The following RNF17 variants were observed in gnomAD, a reference collection of about 807,000 sequenced individuals.
RNF17 encodes ring finger protein 17, also known as spermatogenesis associated 23.
Under a neutral mutation model 200.5 loss-of-function variants are expected in RNF17, and 31 were observed. The observed-to-expected ratio is 0.15, with a 90% CI of 0.12 to 0.21. The LOEUF is 0.21. Among genes scored for constraint, RNF17 ranks in the 10% least tolerant of loss-of-function variants. The probability of loss-of-function intolerance (pLI) is 1.00; values close to 1 mark genes in which losing one functional copy is unlikely to be tolerated. For synonymous variants in RNF17, 606 were observed against 637.8 expected (o/e 0.95, Z 0.75); for missense variants, 1,628 against 1,905.1 (o/e 0.85, Z 2.71).
At chr13:24,885,436 AG>A in the RNF17 span, 3 of 1,352,140 alleles carry the variant, frequency 2.2e-6, no homozygotes, top group Non-Finnish European at 3.2e-6. Context: ...TTACTTCCAA[AG>A]CCAGATTCTG....
At chr13:24,809,667 TC>T (rs1417767569) in intron 15 of RNF17, among the ~76,000 whole-genome samples, 1 of 152,180 alleles carries the variant, frequency 6.6e-6, no homozygotes, top group Middle Eastern at 3.2e-3. Flanking sequence ...TTTAGTTATT[TC>T]TTGCCTTCTG....
At chr13:24,760,450 A>T (rs542334507), upstream of RNF17, among the ~76,000 whole-genome samples, 14 of 152,348 alleles carry the variant, frequency 9.2e-5, no homozygotes, top group African/African-American at 3.4e-4. Flanking sequence ...TTAGATCATT[A>T]TCTCACATTA....
At chr13:24,817,583 G>C (rs1236213477) in intron 15 of RNF17, among the ~76,000 whole-genome samples, 1 of 152,112 alleles carries the variant, frequency 6.6e-6, no homozygotes, top group East Asian at 1.9e-4. Flanking sequence ...GCCAGCTGTG[G>C]TGGTGGGCAC....
intron 16 of RNF17, among the ~76,000 whole-genome samples, chr13:24,828,105 A>C (rs968099805): frequency 2.0e-5 from 3 of 152,244 alleles, no homozygotes; most frequent in African/African-American, 7.2e-5. Context: ...CATTTTCATG[A>C]CACTAAGGAC....
At chr13:24,851,917 G>T (rs12427779) in intron 24 of RNF17, among the ~76,000 whole-genome samples, 16,030 of 152,026 alleles carry the variant, frequency 0.11, 1,070 homozygotes, top group Admixed American at 0.14. Context: ...AAATGTTTAG[G>T]CTTTATTTTA....
intron 15 of RNF17, among the ~76,000 whole-genome samples, chr13:24,812,773 C>G (rs1411504831): frequency 6.7e-6 from 1 of 150,020 alleles, no homozygotes; most frequent in Non-Finnish European, 1.5e-5. Context: ...GCTCTGCCTC[C>G]TGGGTTCACG....
At chr13:24,749,134 A>G in the RNF17 span, among the ~76,000 whole-genome samples, 1 of 152,036 alleles carries the variant, frequency 6.6e-6, no homozygotes, top group African/African-American at 2.4e-5. Flanking sequence ...AAGTTCATCT[A>G]TTTTTGCACA....
chr13:24,858,034 C>G (rs891038442), intron 25 of RNF17, among the ~76,000 whole-genome samples: 1 of 152,146 alleles, frequency 6.6e-6, no homozygotes, highest in African/African-American at 2.4e-5. Flanking sequence ...TGTGCAAATG[C>G]TGCAAATGCT....
At chr13:24,782,000 T>G in intron 6 of RNF17, 56 bp downstream of exon 6, 2 of 1,077,490 alleles carry the variant, frequency 1.9e-6, no homozygotes, top group Non-Finnish European at 2.8e-6. Flanking sequence ...CACTAACTTG[T>G]CATTGTATTC....
intron 15 of RNF17, 53 bp from the exon 16 acceptor site, chr13:24,825,566 C>CT: frequency 1.6e-6 from 2 of 1,231,776 alleles, no homozygotes; most frequent in South Asian, 3.0e-5. Context: ...TCATTCAACA[C>CT]TTACATTTTA....
At chr13:24,871,801 T>A (rs1894287200) in intron 32 of RNF17, among the ~76,000 whole-genome samples, 1 of 151,772 alleles carries the variant, frequency 6.6e-6, no homozygotes. Flanking sequence ...CCCAGCTAAT[T>A]TTTGTATTTT....
rs371494090 is a variant in RNF17, at chr13:24,872,297, C to CT, written c.4447+1561dup. Among the ~76,000 whole-genome samples the CT allele has an allele frequency of 2.7e-4, 41 of 152,224 alleles. 1 individual carries two copies. The East Asian group carries it at 7.7e-3, about 29-fold the overall frequency. ...TATATGCAAGAAATTGTCTATAACT[C>CT]TTTAATTAAAATCGCTTGAAATAAA... On this transcript the variant is annotated intron_variant, in intron 32 of 35. Transcript: ENST00000255324.
chr13:24,864,948 G>A lies in RNF17; in HGVS notation c.4051G>A (p.Ala1351Thr), dbSNP rs368266970. 2.9e-5 allele frequency: 46 copies of A among 1,566,066 alleles called. No homozygotes were observed. The highest frequency in any genetic ancestry group is 2.2e-4 in the Admixed American group (12 of 54,074). ...FDGMSLSYFM[A>T]YYKYCTSEHT... ...TGGAATGTCACTTTCTTATTTTATG[G>A]CATACTATAAATACTGTACTTCTGA... The change falls in exon 29 of 36, where the codon GCA becomes ACA. Residue 1351 changes from alanine (A) to threonine (T), a missense_variant. Ala to Thr is a moderately conservative substitution (Grantham distance 58). This residue lies in a region of RNF17 where 609 missense variants were observed against 681.9 expected (regional missense o/e 0.89). Transcript: ENST00000255324.
At chr13:24,881,167 T>C (rs1953804385), downstream of RNF17, among the ~76,000 whole-genome samples, 1 of 151,626 alleles carries the variant, frequency 6.6e-6, no homozygotes, top group Non-Finnish European at 1.5e-5. Context: ...TTTTTTTTTT[T>C]CCTTTGAGAC....
At chr13:24,869,245 G>C (rs1893992422) in intron 31 of RNF17, among the ~76,000 whole-genome samples, 1 of 152,078 alleles carries the variant, frequency 6.6e-6, no homozygotes, top group Non-Finnish European at 1.5e-5. Flanking sequence ...GGCTAACAAA[G>C]AGAGGAAGAA....
intron 3 of RNF17, among the ~76,000 whole-genome samples, chr13:24,775,816 C>T (rs548507254): frequency 6.6e-6 from 1 of 152,226 alleles, no homozygotes; most frequent in South Asian, 2.1e-4. Context: ...TATGTCTTTT[C>T]CTGCTAGTCT....
intron 16 of RNF17, among the ~76,000 whole-genome samples, chr13:24,827,037 GC>G (rs891233087): frequency 4.6e-5 from 7 of 151,820 alleles, no homozygotes; most frequent in African/African-American, 1.7e-4. Flanking sequence ...TCCAGCCTGG[GC>G]AACAAGAGCA....
rs780155356 is a variant in RNF17, at chr13:24,800,372, T to G, written c.1596T>G (p.Val532=). The G allele has an allele frequency of 6.3e-7, 1 of 1,577,468 alleles. No homozygotes were observed. The highest frequency in any genetic ancestry group is 8.6e-7 in the Non-Finnish European group (1 of 1,157,668). The change falls in exon 13 of 36, where the codon GTT becomes GTG. Residue 532 remains valine (V), a synonymous_variant. Transcript: ENST00000255324. ...NSEVLIVTGV[V]DTHVRPEHSA... ...TTACTTGAATTTCTCCTAGAGTTGT[T>G]GATACCCATGTGAGACCAGAACACT...
At chr13:24,846,352 T>C (rs1891255066) in intron 22 of RNF17, among the ~76,000 whole-genome samples, 1 of 152,220 alleles carries the variant, frequency 6.6e-6, no homozygotes, top group Non-Finnish European at 1.5e-5. Flanking sequence ...AAATTTGAGT[T>C]TCTTTTATTG....
Sources: allele counts gnomAD v4.1 joint callset (sites outside exome capture counted in the v4.1 genomes callset), GRCh38; gene constraint gnomAD v4.1.1; regional missense constraint gnomAD v4.1.1; transcripts MANE v1.5; gene names NCBI Gene and HGNC (gene_info 2026-07-23, HGNC 2026-07-21).